Variants in GLYAT observed in about 807,000 individuals in gnomAD.
The protein encoded by GLYAT is glycine-N-acyltransferase.
In GLYAT, 25 loss-of-function variants were observed where a neutral mutation model predicts 22.8. The observed-to-expected ratio is 1.09, with a 90% CI of 0.80 to 1.53. The LOEUF is 1.53. Ranked by LOEUF, GLYAT falls within the 40% of genes most tolerant of loss-of-function variation. The pLI is 0.00. For missense variants in GLYAT, 411 were observed against 353.9 expected, an observed-to-expected ratio of 1.16 and a Z score of -1.29; for synonymous variants, 140 against 122.7, an observed-to-expected ratio of 1.14 and a Z score of -0.93.
At chr11:58,723,060 C>G (rs1856770756) in intron 2 of GLYAT, among the ~76,000 whole-genome samples, 1 of 151,838 alleles carries the variant, frequency 6.6e-6, no homozygotes, top group Non-Finnish European at 1.5e-5. Flanking sequence ...TTGGGAAACA[C>G]CTAGAGTTTT....
intron 1 of GLYAT, among the ~76,000 whole-genome samples, chr11:58,729,938 G>A (rs1268772537): frequency 6.6e-6 from 1 of 152,124 alleles, no homozygotes; most frequent in East Asian, 1.9e-4. Context: ...CTGAAGAGTA[G>A]AGTTTGGAAC....
intron 2 of GLYAT, among the ~76,000 whole-genome samples, chr11:58,719,906 A>G (rs1262170251): frequency 6.6e-6 from 1 of 151,980 alleles, no homozygotes; most frequent in African/African-American, 2.4e-5. Context: ...AAATCCTCTT[A>G]TTGTGACTTA....
chr11:58,714,933 C>G (rs1342936609), intron 3 of GLYAT, among the ~76,000 whole-genome samples: 1 of 151,950 alleles, frequency 6.6e-6, no homozygotes, highest in Non-Finnish European at 1.5e-5. Context: ...TATATCTGTG[C>G]TCTTGCTATT....
At chr11:58,726,139 C>G (rs1292865604) in intron 1 of GLYAT, among the ~76,000 whole-genome samples, 15 of 151,934 alleles carry the variant, frequency 9.9e-5, no homozygotes, top group Admixed American at 9.9e-4. Flanking sequence ...TTTAGAGAGA[C>G]AGTTAACAAC....
chr11:58,714,816 C>T lies in GLYAT; in HGVS notation c.189+500G>A, dbSNP rs142338078. Reference sequence around the variant, plus strand: ...CATGCTGAACTATGAGTCAATTAAACGTCTTTCCTTGATAAATTACCCTGT... The same window carrying T: ...CATGCTGAACTATGAGTCAATTAAATGTCTTTCCTTGATAAATTACCCTGT... On this transcript the variant is annotated intron_variant, in intron 3 of 5. Coordinates refer to ENST00000344743, the MANE Select transcript of GLYAT (RefSeq NM_201648.3). Among the ~76,000 whole-genome samples, 773 of 152,254 alleles carry T rather than the reference C, an allele frequency of 5.1e-3. 8 individuals are homozygous for T. The highest frequency in any genetic ancestry group is 0.018 in the African/African-American group (740 of 41,554).
intron 1 of GLYAT, 139 bp downstream of exon 1, chr11:58,731,696 G>A (rs975448510): frequency 6.6e-6 from 1 of 152,042 alleles, no homozygotes; most frequent in African/African-American, 2.4e-5. Context: ...TTGTTTTTAT[G>A]TAAAGAGCAG....
At chr11:58,713,689 G>A (rs764687100) in intron 3 of GLYAT, among the ~76,000 whole-genome samples, 3 of 152,018 alleles carry the variant, frequency 2.0e-5, no homozygotes, top group East Asian at 3.9e-4. Flanking sequence ...ACAGGAAGAA[G>A]GTGGATGAAA....
At chr11:58,730,810 C>T (rs1856864151) in intron 1 of GLYAT, among the ~76,000 whole-genome samples, 1 of 152,150 alleles carries the variant, frequency 6.6e-6, no homozygotes, top group Non-Finnish European at 1.5e-5. Flanking sequence ...TATAAAGTCA[C>T]ATGAACATAA....
chr11:58,719,895 G>T (rs574584211), intron 2 of GLYAT, among the ~76,000 whole-genome samples: 2 of 151,804 alleles, frequency 1.3e-5, no homozygotes, highest in Non-Finnish European at 2.9e-5. Flanking sequence ...TTTAAATATA[G>T]AAATCCTCTT....
chr11:58,720,498 AG>A (rs1327663827), intron 2 of GLYAT, among the ~76,000 whole-genome samples: 1 of 152,050 alleles, frequency 6.6e-6, no homozygotes, highest in Admixed American at 6.6e-5. Flanking sequence ...TTAACGTCCA[AG>A]CTGTCCTCAT....
Position 58,709,562 on chromosome 11 carries a change from G to A in GLYAT, c.*204C>T. On this transcript the variant is annotated 3_prime_UTR_variant, in exon 6 of 6. Coordinates refer to ENST00000344743, the MANE Select transcript of GLYAT (RefSeq NM_201648.3). ...TAAATTGCTTATGTCAAATGTAAGAGGACCTGGGCCTGCTTCCCACTGAGA... is the reference window on the plus strand; with the variant it reads ...TAAATTGCTTATGTCAAATGTAAGAAGACCTGGGCCTGCTTCCCACTGAGA... The A allele has an allele frequency of 1.9e-6, 1 of 513,174 alleles. No homozygotes were observed. Among genetic ancestry groups the A allele is most frequent in the Non-Finnish European group, 3.4e-6 (1 of 294,070 alleles). The allele number at this position is 513,174 out of a possible 1,614,324, so 31.8% of individuals were successfully genotyped here. A position where few individuals can be genotyped will look rare whatever the true frequency, so the allele number is the denominator to read the frequency against.
At chr11:58,728,456 A>C (rs1356722964) in intron 1 of GLYAT, among the ~76,000 whole-genome samples, 1 of 151,958 alleles carries the variant, frequency 6.6e-6, no homozygotes, top group Non-Finnish European at 1.5e-5. Flanking sequence ...TTCTAAGGAG[A>C]GAATTGAGGT....
At chr11:58,721,729 C>T (rs1856752943) in intron 2 of GLYAT, among the ~76,000 whole-genome samples, 1 of 152,004 alleles carries the variant, frequency 6.6e-6, no homozygotes, top group South Asian at 2.1e-4. Context: ...ATTGCTCTTT[C>T]AGTTTGGTCT....
At chr11:58,713,393 C>G (rs1420838791) in intron 3 of GLYAT, among the ~76,000 whole-genome samples, 17 of 152,206 alleles carry the variant, frequency 1.1e-4, no homozygotes, top group Non-Finnish European at 2.9e-5. Flanking sequence ...AGAAAGCATT[C>G]TTCTTACCAC....
chr11:58,716,975 G>A (rs1021704627), intron 2 of GLYAT, among the ~76,000 whole-genome samples: 3 of 152,162 alleles, frequency 2.0e-5, no homozygotes, highest in Non-Finnish European at 4.4e-5. Context: ...ACAGATAGGT[G>A]AGACACAAAT....
chr11:58,714,046 T>G (rs933770440), intron 3 of GLYAT, among the ~76,000 whole-genome samples: 1 of 152,054 alleles, frequency 6.6e-6, no homozygotes, highest in Non-Finnish European at 1.5e-5. Context: ...TTATACTTAG[T>G]GAAATAAGCC....
At chr11:58,730,585 C>A (rs1245162590) in intron 1 of GLYAT, among the ~76,000 whole-genome samples, 1 of 152,128 alleles carries the variant, frequency 6.6e-6, no homozygotes, top group African/African-American at 2.4e-5. Flanking sequence ...TGTTACAACT[C>A]TTCCAGAAAT....
intron 2 of GLYAT, 64 bp downstream of exon 2, chr11:58,724,352 C>A: frequency 1.2e-6 from 1 of 831,688 alleles, no homozygotes. Flanking sequence ...AATATCAGTC[C>A]CTTTCCCTCC....
At chr11:58,717,161 C>T (rs967770385) in intron 2 of GLYAT, among the ~76,000 whole-genome samples, 2 of 151,742 alleles carry the variant, frequency 1.3e-5, no homozygotes, top group African/African-American at 4.8e-5. Flanking sequence ...TGCCCCCCAT[C>T]CTTTTTGTAA....
Sources: gnomAD v4.1 joint callset for allele counts (sites outside exome capture counted in the v4.1 genomes callset) on GRCh38, gnomAD v4.1.1 for gene constraint, MANE v1.5 for transcripts, NCBI Gene and HGNC (gene_info 2026-07-23, HGNC 2026-07-21) for gene names.